Variants in CCSER1 observed in about 807,000 individuals in gnomAD.
CCSER1 encodes serine-rich coiled-coil domain-containing protein 1.
CCSER1 carries 41 observed loss-of-function variants against 82.0 expected under a neutral mutation model. That is an observed-to-expected ratio of 0.50 (90% CI 0.39 to 0.65). The LOEUF (loss-of-function observed/expected upper bound fraction) is 0.65. Among genes scored for constraint, CCSER1 ranks in the 30% least tolerant of loss-of-function variants. The pLI is 0.00. For missense variants in CCSER1, 1,119 were observed against 1,064.2 expected, an observed-to-expected ratio of 1.05 and a Z score of -0.72; for synonymous variants, 414 against 383.9, an observed-to-expected ratio of 1.08 and a Z score of -0.92.
intron 6 of CCSER1, among the ~76,000 whole-genome samples, chr4:90,691,271 A>T (rs1290306839): frequency 6.6e-6 from 1 of 151,604 alleles, no homozygotes; most frequent in Non-Finnish European, 1.5e-5. Context: ...TTAAAGATAT[A>T]CCTGTCTCTG....
At chr4:91,063,822 A>G (rs1744147956) in intron 9 of CCSER1, among the ~76,000 whole-genome samples, 1 of 152,116 alleles carries the variant, frequency 6.6e-6, no homozygotes, top group African/African-American at 2.4e-5. Context: ...TCCTTACAAG[A>G]GTGGTGGAAA....
At chr4:90,165,554 TGTTA>T (rs1730290915) in intron 1 of CCSER1, among the ~76,000 whole-genome samples, 1 of 152,060 alleles carries the variant, frequency 6.6e-6, no homozygotes, top group South Asian at 2.1e-4. Flanking sequence ...TTGGGCAGTG[TGTTA>T]GTTTTCATAG....
At chr4:90,331,465 T>C (rs184270378) in intron 3 of CCSER1, among the ~76,000 whole-genome samples, 1 of 152,290 alleles carries the variant, frequency 6.6e-6, no homozygotes, top group Admixed American at 6.5e-5. Context: ...AGTTACATGG[T>C]ATTAAAAGAA....
intron 10 of CCSER1, among the ~76,000 whole-genome samples, chr4:91,510,464 C>A: frequency 6.6e-6 from 1 of 152,126 alleles, no homozygotes; most frequent in East Asian, 1.9e-4. Flanking sequence ...TAAAGGCATT[C>A]ATTTTTCTCC....
intron 6 of CCSER1, among the ~76,000 whole-genome samples, chr4:90,694,797 G>GGGGTGTGT (rs1553987833): frequency 1.1e-3 from 158 of 145,452 alleles, no homozygotes; most frequent in African/African-American, 3.3e-3. Flanking sequence ...GTGTGTGTGG[G>GGGGTGTGT]GTGTGTGTGT....
intron 10 of CCSER1, among the ~76,000 whole-genome samples, chr4:91,363,884 G>T (rs1454281347): frequency 6.6e-6 from 1 of 151,736 alleles, no homozygotes; most frequent in Non-Finnish European, 1.5e-5. Flanking sequence ...GACTTTGGAT[G>T]AAGACAGTGC....
In CCSER1 at chr4:90,905,314, A is replaced by G. The variant is rs111793167; in HGVS notation, c.2095-18056A>G. ...TAAAATTGAGCATTTTGTAGAGCCT[A>G]CAATTGTGCCAATATTCTCCTTGCT... On this transcript the variant is annotated intron_variant, in intron 8 of 10. Coordinates refer to ENST00000509176, the MANE Select transcript of CCSER1 (RefSeq NM_001145065.2). Among the ~76,000 whole-genome samples the G allele has an allele frequency of 6.1e-3, 925 of 152,018 alleles. 5 individuals are homozygous for G. The highest frequency in any genetic ancestry group is 0.01 in the Non-Finnish European group (706 of 67,986).
Position 90,515,242 on chromosome 4 carries a change from A to G in CCSER1, c.1724+46888A>G, listed in dbSNP as rs954245900. On this transcript the variant is annotated intron_variant, in intron 5 of 10. Coordinates refer to ENST00000509176, the MANE Select transcript of CCSER1 (RefSeq NM_001145065.2). The stretch of plus-strand genomic sequence containing the variant: ...TAAATACAAGTATAAAATTTTAAAA[A>G]TGTCTGTTCTATGCAATGACATTTA... Among the ~76,000 whole-genome samples, 10 of 152,182 alleles carry G rather than the reference A, an allele frequency of 6.6e-5. No homozygotes were observed. In the South Asian group the frequency reaches 2.1e-3, roughly 32 times the overall value.
At chr4:91,389,527 G>GT (rs1228586523) in intron 10 of CCSER1, among the ~76,000 whole-genome samples, 5 of 151,362 alleles carry the variant, frequency 3.3e-5, no homozygotes, top group Admixed American at 2.0e-4. Flanking sequence ...TTCTAACTTT[G>GT]TTTTTTTTCC....
At position 90,359,224 on chromosome 4, in the gene CCSER1, T is replaced by C. The variant is rs548898630; in HGVS notation, c.1510-40812T>C. 5.5e-4 allele frequency among the ~76,000 whole-genome samples: 83 copies of C among 152,068 alleles called. 1 individual carries two copies. In the South Asian group the frequency reaches 0.013, roughly 23 times the overall value. ...AGAGACTATTGTTAGTCCACAGTAC[T>C]CAAAAAGGGGAGTAATGTTAATATA... On this transcript the variant is annotated intron_variant, in intron 3 of 10. Transcript: ENST00000509176.
Position 91,598,728 on chromosome 4 carries a change from A to T in CCSER1, c.2374A>T (p.Asn792Tyr). Residue 792 changes from asparagine (N) to tyrosine (Y), a missense_variant, in exon 11 of 11, where the codon AAT becomes TAT. By Grantham distance (143) the Asn-to-Tyr change is moderately radical. Coordinates refer to ENST00000509176, the MANE Select transcript of CCSER1 (RefSeq NM_001145065.2). ...TCQLPSLCLSNFLKDKELAEV... is the reference protein window; with the variant it reads ...TCQLPSLCLSYFLKDKELAEV... Reference sequence around the variant, plus strand: ...TCAACTCCCAAGTCTCTGTTTAAGTAATTTCCTGAAGGACAAGGAACTAGC... The same window carrying T: ...TCAACTCCCAAGTCTCTGTTTAAGTTATTTCCTGAAGGACAAGGAACTAGC... 5.2e-6 allele frequency: 8 copies of T among 1,551,588 alleles called. No individual in the cohort carries two copies. Among genetic ancestry groups the T allele is most frequent in the Non-Finnish European group, 7.0e-6 (8 of 1,146,936 alleles).
chr4:90,729,199 CTG>C (rs989909406), intron 7 of CCSER1, among the ~76,000 whole-genome samples: 9 of 152,116 alleles, frequency 5.9e-5, no homozygotes, highest in Non-Finnish European at 1.0e-4. Context: ...CCATATGTAA[CTG>C]TTGATTATTA....
intron 4 of CCSER1, among the ~76,000 whole-genome samples, chr4:90,431,144 T>C (rs1173447797): frequency 1.3e-5 from 2 of 152,044 alleles, no homozygotes; most frequent in Admixed American, 6.6e-5. Flanking sequence ...TATCTTTATT[T>C]AGACAGATAT....
intron 8 of CCSER1, among the ~76,000 whole-genome samples, chr4:90,917,354 A>G (rs201592592): frequency 5.3e-5 from 8 of 152,152 alleles, no homozygotes; most frequent in East Asian, 3.9e-4. Flanking sequence ...ATGAGTTCAT[A>G]TCCTTTGTAG....
chr4:91,418,315 A>AC (rs1347630047), intron 10 of CCSER1, among the ~76,000 whole-genome samples: 1 of 150,894 alleles, frequency 6.6e-6, no homozygotes, highest in Non-Finnish European at 1.5e-5. Flanking sequence ...AAAAAAAAAA[A>AC]AACAAAATTG....
At position 90,780,988 on chromosome 4, in the gene CCSER1, G is replaced by A. The variant is rs116001247; in HGVS notation, c.2011-34774G>A. 8.8e-3 allele frequency: 1,796 copies of A among 203,694 alleles called. 33 individuals carry two copies. Among genetic ancestry groups the A allele is most frequent in the African/African-American group, 0.039 (1,656 of 42,464 alleles). The allele number at this position is 203,694 out of a possible 1,614,324, so 12.6% of individuals were successfully genotyped here. A position where few individuals can be genotyped will look rare whatever the true frequency, so the allele number is the denominator to read the frequency against. On this transcript the variant is annotated intron_variant, in intron 7 of 10. Coordinates refer to ENST00000509176, the MANE Select transcript of CCSER1 (RefSeq NM_001145065.2). ...CCTCAGGAAGCTTCCAATCGTGGCG[G>A]AAGGCAAAGGGAAGCAGGCACATTG... is the stretch of plus-strand genomic sequence containing the variant.
At chr4:91,356,879 T>A (rs1198136222) in intron 10 of CCSER1, among the ~76,000 whole-genome samples, 1 of 152,118 alleles carries the variant, frequency 6.6e-6, no homozygotes, top group Admixed American at 6.6e-5. Context: ...GACTTATTAC[T>A]CCAGGCTGTA....
chr4:90,726,838 G>A (rs1280962216), intron 7 of CCSER1, among the ~76,000 whole-genome samples: 6 of 152,036 alleles, frequency 3.9e-5, no homozygotes, highest in East Asian at 1.9e-4. Context: ...TGTGGATCTC[G>A]TTGTAAGTAG....
At chr4:90,839,107 C>T (rs1221877924) in intron 8 of CCSER1, 1 of 1,105,802 alleles carries the variant, frequency 9.0e-7, no homozygotes, top group Non-Finnish European at 1.4e-6. Flanking sequence ...TGGCCACCAC[C>T]GAGTTGTCGC....
Sources: allele counts gnomAD v4.1 joint callset (sites outside exome capture counted in the v4.1 genomes callset), GRCh38; gene constraint gnomAD v4.1.1; transcripts MANE v1.5; gene names NCBI Gene and HGNC (gene_info 2026-07-23, HGNC 2026-07-21).